The following AP2A2 variants were observed in gnomAD, a reference collection of about 807,000 sequenced individuals.
The protein encoded by AP2A2 is AP-2 complex subunit alpha-2.
In AP2A2, 32 loss-of-function variants were observed where a neutral mutation model predicts 104.2. The observed-to-expected ratio is 0.31, with a 90% confidence interval of 0.23 to 0.41. The LOEUF is 0.41. AP2A2 is among the 10% of genes least tolerant of loss of function. AP2A2 has a pLI of 1.00. For missense variants in AP2A2, 912 were observed against 1,261.0 expected (o/e 0.72, Z 4.19); for synonymous variants, 539 against 533.3 (o/e 1.01, Z -0.15).
At chr11:978,448 T>C (rs1349876258) in intron 5 of AP2A2, among the ~76,000 whole-genome samples, 1 of 152,226 alleles carries the variant, frequency 6.6e-6, no homozygotes, top group African/African-American at 2.4e-5. Flanking sequence ...TTTATGATTC[T>C]GTGACGCCAG....
intron 1 of AP2A2, among the ~76,000 whole-genome samples, chr11:936,278 T>G (rs976488162): frequency 6.7e-6 from 1 of 148,238 alleles, no homozygotes; most frequent in Non-Finnish European, 1.5e-5. Flanking sequence ...AGTGGTGTGA[T>G]CACAGCTCAC....
rs951452481 is a variant in AP2A2 at position 968,130 on chromosome 11, G to A, written c.137-2039G>A. Among the ~76,000 whole-genome samples the A allele has an allele frequency of 6.6e-6, 1 of 152,084 alleles. No homozygotes were observed. Among genetic ancestry groups the A allele is most frequent in the African/African-American group, 2.4e-5 (1 of 41,432 alleles). On this transcript the variant is annotated intron_variant, in intron 2 of 21. Coordinates refer to ENST00000448903, the MANE Select transcript of AP2A2 (RefSeq NM_012305.4). This position sits in a 1 kb window ranked among gnomAD's most constrained non-coding sequence, Gnocchi z 4.2. ...GCCCTGGGTTAGGCCAGGAATCCAC[G>A]TGCTGCCACATGAGCAGCGGGCCGA...
intron 1 of AP2A2, among the ~76,000 whole-genome samples, chr11:943,611 G>A (rs117368126): frequency 0.068 from 10,429 of 152,296 alleles, 433 homozygotes; most frequent in South Asian, 0.11. Context: ...GTAGGTTGGA[G>A]GTGAGTGGAA....
At chr11:972,949 G>C (rs1220166347) in intron 4 of AP2A2, among the ~76,000 whole-genome samples, 3 of 152,232 alleles carry the variant, frequency 2.0e-5, no homozygotes, top group African/African-American at 7.2e-5. Context: ...TCCGTCCCTT[G>C]TTAATTTGGA....
intron 14 of AP2A2, among the ~76,000 whole-genome samples, chr11:999,302 A>G (rs1855952310): frequency 1.3e-5 from 2 of 152,314 alleles, no homozygotes; most frequent in African/African-American, 4.8e-5. Context: ...ACCTGAGGTC[A>G]AGAGTTCGAG....
intron 1 of AP2A2, among the ~76,000 whole-genome samples, chr11:951,924 C>T (rs569803370): frequency 1.1e-4 from 12 of 110,310 alleles, no homozygotes; most frequent in South Asian, 4.7e-4. Context: ...TGGAGTACAG[C>T]GATGTCTGTC....
rs757190222 is a variant in AP2A2, at chr11:935,603, G to GTTTTTTTTTTTTTTTTTTTTT, written c.67+9517_67+9537dup. ...AAGTGTGAGCCACTGTGCCCGGCCA[G>GTTTTTTTTTTTTTTTTTTTTT]TTTTTTTTTTTTTTTTTTTTTTGAG... On this transcript the variant is annotated intron_variant, in intron 1 of 21. Transcript: ENST00000448903. 7.4e-4 allele frequency among the ~76,000 whole-genome samples: 58 copies of GTTTTTTTTTTTTTTTTTTTTT among 77,950 alleles called. 4 individuals carry two copies. The highest frequency in any genetic ancestry group is 1.7e-3 in the South Asian group (2 of 1,210). 51.1% of individuals were successfully genotyped at this position (77,950 alleles called of 152,430 possible). A position where few individuals can be genotyped will look rare whatever the true frequency, so the allele number is the denominator to read the frequency against.
intron 1 of AP2A2, among the ~76,000 whole-genome samples, chr11:939,442 C>A (rs1178827014): frequency 1.3e-5 from 2 of 151,904 alleles, no homozygotes; most frequent in African/African-American, 2.4e-5. Context: ...CCCATTTAGT[C>A]ATTACTTATT....
chr11:933,927 T>A (rs549859983), intron 1 of AP2A2, among the ~76,000 whole-genome samples: 3 of 152,236 alleles, frequency 2.0e-5, no homozygotes, highest in South Asian at 2.1e-4. Flanking sequence ...ACCTGGTGAT[T>A]GGAGTGTGGG....
At chr11:959,371 A>C in intron 1 of AP2A2, 66 bp from the exon 2 acceptor site, 2 of 1,121,692 alleles carry the variant, frequency 1.8e-6, no homozygotes, top group East Asian at 2.4e-5. Flanking sequence ...TGTCAGTCTT[A>C]TCAGGGAAAT....
At chr11:929,027 A>T (rs1291885978) in intron 1 of AP2A2, among the ~76,000 whole-genome samples, 1 of 152,168 alleles carries the variant, frequency 6.6e-6, no homozygotes, top group African/African-American at 2.4e-5. Flanking sequence ...GCCAGAGAAG[A>T]CCTCACAAGG....
intron 6 of AP2A2, among the ~76,000 whole-genome samples, chr11:983,591 G>A (rs528462134): frequency 2.5e-4 from 38 of 151,878 alleles, no homozygotes; most frequent in South Asian, 1.5e-3. Context: ...CACTGTGTTA[G>A]CCAGGATGGT....
In AP2A2 at chr11:1,011,666, C is replaced by T; in HGVS notation, c.*1041C>T. ...AAGGCTGGGGCCTTGCGCTCTGTCC[C>T]CAGGATGGTGGCCTTGTTTGTCCTA... On this transcript the variant is annotated 3_prime_UTR_variant, in exon 22 of 22. Transcript: ENST00000448903. The T allele has an allele frequency of 5.6e-6, 2 of 356,428 alleles. No individual in the cohort carries two copies. Among genetic ancestry groups the T allele is most frequent in the Admixed American group, 3.8e-5 (1 of 26,224 alleles). The allele number at this position is 356,428 out of a possible 1,614,324, so 22.1% of individuals were successfully genotyped here.
chr11:933,126 G>C (rs1853341351), intron 1 of AP2A2, among the ~76,000 whole-genome samples: 1 of 152,194 alleles, frequency 6.6e-6, no homozygotes, highest in South Asian at 2.1e-4. Flanking sequence ...AAATTAGCCA[G>C]GTGTGGTGGC....
intron 21 of AP2A2, 63 bp from the exon 22 acceptor site, chr11:1,010,485 C>T: frequency 7.2e-7 from 1 of 1,386,614 alleles, no homozygotes; most frequent in Non-Finnish European, 1.0e-6. Flanking sequence ...CATGGCGGAT[C>T]CTGGACCCGA....
rs78838533 is a variant in AP2A2 at position 983,634 on chromosome 11, T to C, written c.706-1011T>C. 7.3e-3 allele frequency among the ~76,000 whole-genome samples: 1,104 copies of C among 152,204 alleles called. 4 individuals carry two copies. The highest frequency in any genetic ancestry group is 0.011 in the Admixed American group (172 of 15,294). ...TCCTGACCTTGTGATCCGCCCGCCTTGGCCTCTCAAAGTGCTGGGATTACA... is the reference window on the plus strand; with the variant it reads ...TCCTGACCTTGTGATCCGCCCGCCTCGGCCTCTCAAAGTGCTGGGATTACA... On this transcript the variant is annotated intron_variant, in intron 6 of 21. Transcript: ENST00000448903.
intron 4 of AP2A2, among the ~76,000 whole-genome samples, 164 bp downstream of exon 4, chr11:972,419 G>T (rs1206176872): frequency 6.6e-6 from 1 of 152,240 alleles, no homozygotes; most frequent in Non-Finnish European, 1.5e-5. Context: ...TTTAGGCCGG[G>T]CACGGTGGCT....
At chr11:941,021 G>A (rs1388667656) in intron 1 of AP2A2, 10 of 413,202 alleles carry the variant, frequency 2.4e-5, no homozygotes, top group Non-Finnish European at 3.9e-5. Context: ...CGTGGAGCTC[G>A]GAGCTTTTGT....
chr11:971,220 G>C (rs1177047500), intron 3 of AP2A2, among the ~76,000 whole-genome samples: 2 of 152,016 alleles, frequency 1.3e-5, no homozygotes, highest in Admixed American at 6.6e-5. Context: ...TGGCTCCACA[G>C]ACATAGAAGT....
Sources: allele counts gnomAD v4.1 joint callset (sites outside exome capture counted in the v4.1 genomes callset), GRCh38; gene constraint gnomAD v4.1.1; non-coding constraint Gnocchi (gnomAD v3.1); transcripts MANE v1.5; gene names NCBI Gene and HGNC (gene_info 2026-07-23, HGNC 2026-07-21).